The following OPCML variants were observed in gnomAD, a reference collection of about 807,000 sequenced individuals.
The protein encoded by OPCML is opioid-binding protein/cell adhesion molecule.
In OPCML, 13 loss-of-function variants were observed where a neutral mutation model predicts 37.8. The observed-to-expected ratio is 0.34, with a 90% CI of 0.22 to 0.55. The LOEUF is 0.55. Among genes scored for constraint, OPCML ranks in the 20% least tolerant of loss-of-function variants. The pLI, the probability that OPCML is intolerant of heterozygous loss-of-function variation, is 0.91. For missense variants in OPCML, 341 were observed against 435.6 expected (o/e 0.78, Z 1.93); for synonymous variants, 176 against 168.8 (o/e 1.04, Z -0.33).
intron 1 of OPCML, among the ~76,000 whole-genome samples, chr11:133,525,901 G>A (rs917073417): frequency 2.2e-4 from 33 of 152,172 alleles, no homozygotes; most frequent in African/African-American, 3.9e-4. Flanking sequence ...TGGCCTTTCC[G>A]GGGGTCTCTC....
intron 1 of OPCML, among the ~76,000 whole-genome samples, chr11:133,106,396 A>G (rs1407025813): frequency 6.6e-6 from 1 of 152,252 alleles, no homozygotes; most frequent in East Asian, 1.9e-4. Flanking sequence ...ACTTTCTGCA[A>G]GAAATGATGA....
At chr11:132,440,472 C>G (rs183714585) in intron 4 of OPCML, among the ~76,000 whole-genome samples, 2 of 152,246 alleles carry the variant, frequency 1.3e-5, no homozygotes, top group African/African-American at 4.8e-5. Context: ...AGCTGTGATG[C>G]ACTGTGCCGC....
intron 3 of OPCML, among the ~76,000 whole-genome samples, chr11:132,582,246 A>G (rs966398551): frequency 2.0e-5 from 3 of 152,006 alleles, no homozygotes; most frequent in African/African-American, 7.2e-5. Context: ...AGAACAACCT[A>G]AAAACAGTTT....
chr11:132,511,091 A>G (rs189501564), intron 4 of OPCML, among the ~76,000 whole-genome samples: 266 of 152,292 alleles, frequency 1.7e-3, no homozygotes, highest in African/African-American at 5.6e-3. Flanking sequence ...TAAAAAAAGT[A>G]CTAGAATCAA....
intron 1 of OPCML, among the ~76,000 whole-genome samples, chr11:133,311,262 G>A (rs1484539522): frequency 6.6e-6 from 1 of 152,198 alleles, no homozygotes; most frequent in Non-Finnish European, 1.5e-5. Context: ...TCTTCTAGGG[G>A]TAGAAATTAG....
At chr11:133,236,554 T>G (rs1220066467) in intron 1 of OPCML, among the ~76,000 whole-genome samples, 1 of 152,138 alleles carries the variant, frequency 6.6e-6, no homozygotes, top group Non-Finnish European at 1.5e-5. Flanking sequence ...TAACTTCTCT[T>G]AGAAGCAAAA....
intron 1 of OPCML, among the ~76,000 whole-genome samples, chr11:133,293,365 A>T (rs149668449): frequency 6.6e-6 from 1 of 152,326 alleles, no homozygotes; most frequent in East Asian, 1.9e-4. Flanking sequence ...TTTACAAAAC[A>T]CAAGAAAGTA....
intron 2 of OPCML, among the ~76,000 whole-genome samples, chr11:132,718,531 C>G (rs931104436): frequency 1.3e-5 from 2 of 152,112 alleles, no homozygotes; most frequent in Non-Finnish European, 1.5e-5. Flanking sequence ...ACTCTCACGA[C>G]GGTGGGGTGA....
intron 1 of OPCML, among the ~76,000 whole-genome samples, chr11:133,009,651 G>A (rs761504113): frequency 6.6e-6 from 1 of 152,172 alleles, no homozygotes; most frequent in Non-Finnish European, 1.5e-5. Flanking sequence ...GAATGAAACC[G>A]CACCACCTCA....
intron 4 of OPCML, among the ~76,000 whole-genome samples, chr11:132,447,824 G>A (rs981274887): frequency 7.9e-5 from 12 of 152,216 alleles, no homozygotes; most frequent in African/African-American, 2.4e-4. Flanking sequence ...GGGTGTGGCC[G>A]CTCCAATGTA....
intron 1 of OPCML, among the ~76,000 whole-genome samples, chr11:133,479,236 AAC>A (rs1228410185): frequency 1.3e-4 from 20 of 152,246 alleles, no homozygotes; most frequent in African/African-American, 4.6e-4. Flanking sequence ...CAGAAACTCA[AAC>A]TAAGGCCCAG....
At chr11:133,471,891 C>T (rs1486050889) in intron 1 of OPCML, among the ~76,000 whole-genome samples, 1 of 152,138 alleles carries the variant, frequency 6.6e-6, no homozygotes, top group African/African-American at 2.4e-5. Flanking sequence ...GTCCCTGCAA[C>T]CCTGACCAGC....
At chr11:132,516,278 G>C (rs961330228) in intron 4 of OPCML, among the ~76,000 whole-genome samples, 1 of 152,114 alleles carries the variant, frequency 6.6e-6, no homozygotes, top group Non-Finnish European at 1.5e-5. Flanking sequence ...CTTCCTGCAG[G>C]CTCCTAATAC....
intron 2 of OPCML, among the ~76,000 whole-genome samples, chr11:132,808,855 C>A (rs1200320885): frequency 2.0e-5 from 3 of 152,084 alleles, no homozygotes; most frequent in Non-Finnish European, 4.4e-5. Flanking sequence ...TAGTGATAAC[C>A]AGGACCTCTG....
At chr11:133,023,788 C>G (rs1188528369) in intron 1 of OPCML, among the ~76,000 whole-genome samples, 1 of 152,188 alleles carries the variant, frequency 6.6e-6, no homozygotes, top group Non-Finnish European at 1.5e-5. Flanking sequence ...AAAAGCCTGC[C>G]TGAGTCTACT....
At chr11:133,063,711 G>A (rs184495366) in intron 1 of OPCML, among the ~76,000 whole-genome samples, 34 of 152,112 alleles carry the variant, frequency 2.2e-4, no homozygotes, top group Middle Eastern at 3.4e-3. Flanking sequence ...ACAGGTGCCC[G>A]CCACCATGTC....
intron 1 of OPCML, among the ~76,000 whole-genome samples, chr11:133,263,448 G>A (rs1313286411): frequency 6.6e-6 from 1 of 152,162 alleles, no homozygotes; most frequent in East Asian, 1.9e-4. Context: ...TAGGAGCACT[G>A]TACAGTGTGT....
chr11:132,554,870 T>TTTTTTTTTG (rs2096390979), intron 3 of OPCML, among the ~76,000 whole-genome samples: 5 of 113,758 alleles, frequency 4.4e-5, no homozygotes, highest in African/African-American at 2.1e-4. Context: ...AAAGTTTTTT[T>TTTTTTTTTG]TTTTTTTTTT....
chr11:132,613,524 T>C (rs1938796091), intron 3 of OPCML, among the ~76,000 whole-genome samples: 2 of 152,170 alleles, frequency 1.3e-5, no homozygotes, highest in Admixed American at 6.5e-5. Context: ...TGCCAAACCA[T>C]TGGAACTGTC....
Sources: allele counts gnomAD v4.1 joint callset (sites outside exome capture counted in the v4.1 genomes callset), GRCh38; gene constraint gnomAD v4.1.1; transcripts MANE v1.5; gene names NCBI Gene and HGNC (gene_info 2026-07-23, HGNC 2026-07-21).